Variants in TOP6BL observed in about 807,000 individuals in gnomAD.
TOP6BL encodes type 2 DNA topoisomerase 6 subunit B-like.
the TOP6BL span, among the ~76,000 whole-genome samples, chr11:66,838,047 T>C: frequency 6.6e-6 from 1 of 152,166 alleles, no homozygotes; most frequent in African/African-American, 2.4e-5. Flanking sequence ...AAATGGACAT[T>C]TGCACATTAC....
At chr11:66,840,426 C>T in the TOP6BL span, among the ~76,000 whole-genome samples, 2 of 152,220 alleles carry the variant, frequency 1.3e-5, no homozygotes, top group Non-Finnish European at 2.9e-5. Context: ...CTTCTGCTTT[C>T]TTGGGACCTG....
the TOP6BL span, among the ~76,000 whole-genome samples, chr11:66,791,003 A>C: frequency 1.3e-5 from 2 of 152,166 alleles, no homozygotes; most frequent in African/African-American, 4.8e-5. Flanking sequence ...TTCTTCCATT[A>C]TATCTCATTG....
chr11:66,832,726 G>A, the TOP6BL span, among the ~76,000 whole-genome samples: 1 of 152,232 alleles, frequency 6.6e-6, no homozygotes, highest in Non-Finnish European at 1.5e-5. Context: ...TTGGAAAGCC[G>A]CTGTCCACGC....
chr11:66,795,834 T>C, the TOP6BL span: 1 of 152,698 alleles, frequency 6.5e-6, no homozygotes, highest in African/African-American at 2.4e-5. Context: ...ATTAATGGAT[T>C]GATGTCAAAA....
chr11:66,805,890 T>C, the TOP6BL span, among the ~76,000 whole-genome samples: 11 of 152,214 alleles, frequency 7.2e-5, no homozygotes, highest in African/African-American at 2.2e-4. Context: ...GTGAATTGTA[T>C]CTCAATAAAG....
chr11:66,807,744 T>C, the TOP6BL span, among the ~76,000 whole-genome samples: 1 of 152,160 alleles, frequency 6.6e-6, no homozygotes, highest in Non-Finnish European at 1.5e-5. Context: ...GTTGAGAGGC[T>C]AAGATGTATT....
chr11:66,769,783 C>G, the TOP6BL span, among the ~76,000 whole-genome samples: 1 of 151,672 alleles, frequency 6.6e-6, no homozygotes, highest in African/African-American at 2.4e-5. Flanking sequence ...CTCTGTCGCC[C>G]AGGCTGGAGT....
the TOP6BL span, among the ~76,000 whole-genome samples, chr11:66,797,574 G>A: frequency 1.3e-5 from 2 of 151,500 alleles, no homozygotes; most frequent in Admixed American, 6.6e-5. Flanking sequence ...ACTTGATCTC[G>A]GCTCACTGCA....
the TOP6BL span, among the ~76,000 whole-genome samples, chr11:66,799,005 G>A: frequency 5.3e-5 from 8 of 151,868 alleles, no homozygotes; most frequent in Non-Finnish European, 7.4e-5. Context: ...TCAGGAGTTC[G>A]AGACCAGCCT....
the TOP6BL span, among the ~76,000 whole-genome samples, chr11:66,763,499 G>C: frequency 1.3e-5 from 2 of 152,072 alleles, no homozygotes; most frequent in African/African-American, 4.8e-5. Context: ...TATTAGAGAT[G>C]AGGTCTCACT....
the TOP6BL span, chr11:66,828,887 C>T: frequency 8.5e-5 from 13 of 152,210 alleles, no homozygotes; most frequent in African/African-American, 2.9e-4. Flanking sequence ...GCTATTTGAC[C>T]TCCTTGAGGG....
At chr11:66,755,047 C>T in the TOP6BL span, among the ~76,000 whole-genome samples, 1 of 152,092 alleles carries the variant, frequency 6.6e-6, no homozygotes, top group Non-Finnish European at 1.5e-5. Flanking sequence ...TTGGCCTTCC[C>T]TGTCCCCTTA....
At chr11:66,801,896 C>CAG in the TOP6BL span, among the ~76,000 whole-genome samples, 4 of 152,168 alleles carry the variant, frequency 2.6e-5, no homozygotes, top group Non-Finnish European at 4.4e-5. Context: ...ATGGAACACA[C>CAG]AGAGCCCTTC....
the TOP6BL span, among the ~76,000 whole-genome samples, chr11:66,772,234 T>A: frequency 6.6e-6 from 1 of 152,212 alleles, no homozygotes; most frequent in Non-Finnish European, 1.5e-5. Context: ...GTATTTGAAA[T>A]ACAATTGATG....
chr11:66,824,758 C>T, the TOP6BL span, among the ~76,000 whole-genome samples: 1 of 151,852 alleles, frequency 6.6e-6, no homozygotes, highest in Non-Finnish European at 1.5e-5. Flanking sequence ...CATGCATGTC[C>T]CTACAAAGGA....
At chr11:66,829,514 G>T in the TOP6BL span, among the ~76,000 whole-genome samples, 2 of 152,012 alleles carry the variant, frequency 1.3e-5, no homozygotes, top group Admixed American at 6.6e-5. Context: ...GACAGAGGTT[G>T]CAGTGAACCA....
the TOP6BL span, chr11:66,828,302 A>C: frequency 1.2e-6 from 2 of 1,613,900 alleles, no homozygotes; most frequent in Non-Finnish European, 1.7e-6. Flanking sequence ...CAAACTGCAC[A>C]AAGTATTTCG....
chr11:66,758,296 C>CTTTTTATTTTTTTTTTTTT, the TOP6BL span: 1 of 57,394 alleles, frequency 1.7e-5, no homozygotes, highest in Non-Finnish European at 3.3e-5. Flanking sequence ...CTGGTATTTT[C>CTTTTTATTTTTTTTTTTTT]TTTTTCTTTT....
the TOP6BL span, among the ~76,000 whole-genome samples, chr11:66,779,326 A>G: frequency 2.0e-5 from 3 of 152,338 alleles, no homozygotes; most frequent in African/African-American, 7.2e-5. Flanking sequence ...AGAAAAAAAC[A>G]ACCCCATCAA....
Sources: gnomAD v4.1 joint callset for allele counts (sites outside exome capture counted in the v4.1 genomes callset) on GRCh38, gnomAD v4.1.1 for gene constraint, MANE v1.5 for transcripts, NCBI Gene and HGNC (gene_info 2026-07-23, HGNC 2026-07-21) for gene names.